Variants in IFT140 observed in about 807,000 individuals in gnomAD.
IFT140 encodes intraflagellar transport 140, also known as intraflagellar transport protein 140 homolog.
IFT140 carries 133 observed loss-of-function variants against 164.6 expected under a neutral mutation model. The ratio of observed to expected loss-of-function variants is 0.81; its 90% confidence interval spans 0.70 to 0.93. The LOEUF (loss-of-function observed/expected upper bound fraction) is 0.93, where lower values mean the gene tolerates loss of function less well. IFT140 is among the 40% of genes least tolerant of loss of function. IFT140 has a pLI of 0.00. For missense variants in IFT140, 2,045 were observed against 1,972.3 expected (o/e 1.04, Z -0.70); for synonymous variants, 860 against 817.3 (o/e 1.05, Z -0.89).
In IFT140 at chr16:1,510,746, G is replaced by GGCAGGTGGGACAGAGCAAGGT; in HGVS notation, c.*177_*197dup. 1.7e-6 allele frequency: 1 copy of GGCAGGTGGGACAGAGCAAGGT among 603,206 alleles called. No homozygotes were observed. The highest frequency in any genetic ancestry group is 2.9e-6 in the Non-Finnish European group (1 of 341,070). 37.4% of individuals were successfully genotyped at this position (603,206 alleles called of 1,614,324 possible). The stretch of plus-strand genomic sequence containing the variant: ...CTAGTGGAGCTGCCGGGCACCCAGA[G>GGCAGGTGGGACAGAGCAAGGT]GCAGGTGGGACAGAGCAAGGTGCAG... On this transcript the variant is annotated 3_prime_UTR_variant, in exon 31 of 31. Coordinates refer to ENST00000426508, the MANE Select transcript of IFT140 (RefSeq NM_014714.4).
chr16:1,547,642 T>G (rs1236664371), intron 19 of IFT140, among the ~76,000 whole-genome samples: 3 of 152,148 alleles, frequency 2.0e-5, no homozygotes, highest in African/African-American at 7.2e-5. Context: ...GTTCAAGTGA[T>G]TCTCCTGCCT....
Position 1,555,046 on chromosome 16 carries a change from C to T in IFT140, c.2399+2889G>A, listed in dbSNP as rs769582369. ...TGCTGAGTCGCCCTTCTCAGCGCTCCATCAACGCACACCTGCTATCGTGGA... is the reference window on the plus strand; with the variant it reads ...TGCTGAGTCGCCCTTCTCAGCGCTCTATCAACGCACACCTGCTATCGTGGA... On this transcript the variant is annotated intron_variant, in intron 19 of 30. Coordinates refer to ENST00000426508, the MANE Select transcript of IFT140 (RefSeq NM_014714.4). 16 of 1,594,764 alleles carry T rather than the reference C, an allele frequency of 1.0e-5. No individual in the cohort carries two copies. The Admixed American group carries it at 1.5e-4, about 15-fold the overall frequency.
intron 18 of IFT140, 58 bp from the exon 19 acceptor site, chr16:1,558,192 C>G (rs573006397): frequency 6.4e-7 from 1 of 1,554,534 alleles, no homozygotes; most frequent in South Asian, 1.1e-5. Context: ...AAGCCCTCAC[C>G]CAGACCTCGT....
intron 4 of IFT140, among the ~76,000 whole-genome samples, chr16:1,596,700 C>G (rs2035482030): frequency 6.6e-6 from 1 of 152,066 alleles, no homozygotes. Context: ...AGGTTTCTGC[C>G]CAACGATCCT....
At chr16:1,557,600 T>A (rs2033170132) in intron 19 of IFT140, 1 of 257,578 alleles carries the variant, frequency 3.9e-6, no homozygotes, top group Non-Finnish European at 7.4e-6. Flanking sequence ...TGTTTCCACC[T>A]GGCTGTTTTT....
In IFT140 at chr16:1,561,949, T is replaced by C. The variant is rs114391113; in HGVS notation, c.2199+36A>G. Reference sequence around the variant, plus strand: ...GAGCCCAGCCAGGCAAGGGGAGAGATCAGAAGACACCTGTGCGGATGTCGT... The same window carrying C: ...GAGCCCAGCCAGGCAAGGGGAGAGACCAGAAGACACCTGTGCGGATGTCGT... On this transcript the variant is annotated intron_variant, in intron 18 of 30. Transcript: ENST00000426508. 4.6e-5 allele frequency: 71 copies of C among 1,527,840 alleles called. 1 individual carries two copies. In the African/African-American group the frequency reaches 8.9e-4, roughly 19 times the overall value. The allele number at this position is 1,527,840 out of a possible 1,614,324, so 94.6% of individuals were successfully genotyped here.
chr16:1,527,056 T>C (rs560849593), intron 19 of IFT140: 2 of 468,280 alleles, frequency 4.3e-6, no homozygotes, highest in African/African-American at 2.0e-5. Flanking sequence ...CTTATGCAGA[T>C]CACCAGGCTC....
intron 19 of IFT140, chr16:1,541,187 G>C (rs773039091): frequency 2.0e-6 from 2 of 985,420 alleles, no homozygotes; most frequent in Non-Finnish European, 2.4e-6. Context: ...GAGAAGGCTG[G>C]GCACAGGCCT....
chr16:1,563,670 C>G (rs546288988), intron 17 of IFT140, among the ~76,000 whole-genome samples: 1 of 152,100 alleles, frequency 6.6e-6, no homozygotes, highest in African/African-American at 2.4e-5. Context: ...GAGGTGGCAT[C>G]GAGGTTACAG....
intron 6 of IFT140, among the ~76,000 whole-genome samples, chr16:1,591,791 T>C (rs900498869): frequency 6.6e-6 from 1 of 152,158 alleles, no homozygotes; most frequent in Non-Finnish European, 1.5e-5. Context: ...TCCCACACCC[T>C]AGCCAAGTAC....
chr16:1,605,269 C>T (rs138590632), intron 3 of IFT140, among the ~76,000 whole-genome samples: 10 of 152,222 alleles, frequency 6.6e-5, no homozygotes, highest in African/African-American at 1.9e-4. Flanking sequence ...GAGTGTGGTA[C>T]AGACAAGGAC....
chr16:1,568,398 C>A, intron 14 of IFT140, 64 bp from the exon 15 acceptor site: 2 of 1,283,668 alleles, frequency 1.6e-6, no homozygotes, highest in Non-Finnish European at 2.2e-6. Context: ...TCCGCCCACC[C>A]TGAAACCTCT....
chr16:1,610,506 G>C (rs2036283096), intron 2 of IFT140, 158 bp downstream of exon 2: 1 of 153,932 alleles, frequency 6.5e-6, no homozygotes, highest in East Asian at 1.9e-4. Context: ...CCCCAGCCTC[G>C]ATGGGACTCG....
intron 3 of IFT140, chr16:1,604,274 CGTGTGTGTGTGTGTGTGTGTGTGT>C (rs377259663): frequency 7.7e-6 from 1 of 129,812 alleles, no homozygotes. Context: ...GCTGCAAGGG[CGTGTGTGTGTGTGTGTGTGTGTGT>C]GTGTGTGTGT....
intron 22 of IFT140, 137 bp downstream of exon 22, chr16:1,525,094 A>G (rs2040644718): frequency 8.5e-7 from 1 of 1,177,808 alleles, no homozygotes. Flanking sequence ...GGGCCCTGGC[A>G]TGGCTCTGAG....
intron 13 of IFT140, 137 bp from the exon 14 acceptor site, chr16:1,571,671 C>G: frequency 1.1e-6 from 1 of 927,996 alleles, no homozygotes; most frequent in Non-Finnish European, 1.6e-6. Flanking sequence ...CTTGTACACT[C>G]CACTCATTCA....
chr16:1,527,116 C>T, intron 19 of IFT140: 1 of 383,460 alleles, frequency 2.6e-6, no homozygotes, highest in Non-Finnish European at 4.7e-6. Context: ...GAAATGTGGG[C>T]TTCCTGTGTT....
chr16:1,564,224 T>G lies in IFT140; in HGVS notation c.1902-62A>C. Reference sequence around the variant, plus strand: ...CGGGCACTCCTGCTACCAGTCTCCCTCCCACACACATTCCCGAAGCCTCCA... The same window carrying G: ...CGGGCACTCCTGCTACCAGTCTCCCGCCCACACACATTCCCGAAGCCTCCA... On this transcript the variant is annotated intron_variant, in intron 16 of 30. Transcript: ENST00000426508. This position sits in a 1 kb window ranked among gnomAD's most constrained non-coding sequence, Gnocchi z 5.5. The G allele has an allele frequency of 2.1e-6, 3 of 1,418,900 alleles. No homozygotes were observed. The highest frequency in any genetic ancestry group is 2.9e-6 in the Non-Finnish European group (3 of 1,050,640). The allele number at this position is 1,418,900 out of a possible 1,614,324, so 87.9% of individuals were successfully genotyped here.
At chr16:1,589,260 C>T (rs937950917) in intron 7 of IFT140, among the ~76,000 whole-genome samples, 2 of 152,130 alleles carry the variant, frequency 1.3e-5, no homozygotes, top group African/African-American at 2.4e-5. Context: ...GTCGCCTGCC[C>T]GCTGAGTTCT....
Sources: gnomAD v4.1 joint callset for allele counts (sites outside exome capture counted in the v4.1 genomes callset) on GRCh38, gnomAD v4.1.1 for gene constraint, Gnocchi (gnomAD v3.1) non-coding constraint, MANE v1.5 for transcripts, NCBI Gene and HGNC (gene_info 2026-07-23, HGNC 2026-07-21) for gene names.